LRRC37B: variants seen among roughly 807,000 people sequenced by gnomAD.
LRRC37B encodes leucine-rich repeat-containing protein 37B.
LRRC37B carries 28 observed loss-of-function variants against 98.3 expected under a neutral mutation model. The ratio of observed to expected loss-of-function variants is 0.28; its 90% confidence interval spans 0.21 to 0.39. The LOEUF (loss-of-function observed/expected upper bound fraction) is 0.39. LRRC37B is among the 10% of genes least tolerant of loss of function. LRRC37B has a pLI of 1.00. For missense variants in LRRC37B, 938 were observed against 1,182.7 expected, an observed-to-expected ratio of 0.79 and a Z score of 3.03; for synonymous variants, 364 against 442.7, an observed-to-expected ratio of 0.82 and a Z score of 2.23.
In LRRC37B at chr17:32,035,670, C is replaced by T. The variant is rs931013908; in HGVS notation, c.2204+31C>T. 2.5e-6 allele frequency: 4 copies of T among 1,574,060 alleles called. No homozygotes were observed. In the African/African-American group the frequency reaches 5.5e-5, roughly 22 times the overall value. ...TTATTTTTTCTTAGATTTATTTTTA[C>T]TTAGTTGGTTTTTTAGGTTTGTTTT... On this transcript the variant is annotated intron_variant, in intron 7 of 11. Transcript: ENST00000327564.
chr17:32,021,212 C>T (rs1327803151), exon 1 of LRRC37B: 1 of 1,612,892 alleles, frequency 6.2e-7, no homozygotes, highest in East Asian at 2.2e-5. Flanking sequence ...CTTTACTAGT[C>T]AAGGAGGCTC....
exon 1 of LRRC37B, chr17:32,021,371 G>C (rs753979479): frequency 1.2e-6 from 2 of 1,613,974 alleles, no homozygotes; most frequent in Non-Finnish European, 1.7e-6. Context: ...TTGATTACCT[G>C]GGGCCCTCTG....
intron 7 of LRRC37B, among the ~76,000 whole-genome samples, chr17:32,037,192 G>A (rs1273395416): frequency 1.3e-5 from 2 of 151,896 alleles, no homozygotes; most frequent in Non-Finnish European, 2.9e-5. Context: ...TGTTGGCCAG[G>A]CTGGTCTTGA....
At chr17:32,016,897 G>A (rs904312274), upstream of LRRC37B, 8 of 152,150 alleles carry the variant, frequency 5.3e-5, no homozygotes, top group African/African-American at 2.4e-5. Flanking sequence ...TAGCAAGGTT[G>A]TTTCTTGTTT....
chr17:32,031,767 G>T (rs1911116428), intron 5 of LRRC37B, among the ~76,000 whole-genome samples: 1 of 151,426 alleles, frequency 6.6e-6, no homozygotes, highest in African/African-American at 2.4e-5. Context: ...AACTTTAGGA[G>T]CTGAGGGGGG....
chr17:32,031,631 A>C (rs1911109784), intron 5 of LRRC37B, among the ~76,000 whole-genome samples, 173 bp downstream of exon 8: 2 of 151,912 alleles, frequency 1.3e-5, no homozygotes, highest in South Asian at 4.1e-4. Context: ...AGACTTACAC[A>C]GTTTATATAT....
chr17:32,046,446 G>C (rs1458798858), intron 8 of LRRC37B, among the ~76,000 whole-genome samples: 9 of 152,162 alleles, frequency 5.9e-5, no homozygotes, highest in Non-Finnish European at 1.3e-4. Context: ...GAGTTTTTCT[G>C]TAGATTAGGT....
intron 2 of LRRC37B, among the ~76,000 whole-genome samples, chr17:32,027,429 GCCTGTGTGTGTGT>G: frequency 6.8e-6 from 1 of 147,108 alleles, no homozygotes; most frequent in African/African-American, 2.6e-5. Flanking sequence ...GTGCGTGCTT[GCCTGTGTGTGTGT>G]GCTTGCCTGT....
intron 6 of LRRC37B, 49 bp from the exon 10 acceptor site, chr17:32,035,516 G>T: frequency 6.4e-7 from 1 of 1,557,522 alleles, no homozygotes; most frequent in African/African-American, 1.4e-5. Flanking sequence ...TTGAAGTACA[G>T]AATTTTGTAA....
chr17:32,034,718 A>G (rs1911199406), intron 5 of LRRC37B, among the ~76,000 whole-genome samples, 192 bp from the exon 9 acceptor site: 1 of 149,046 alleles, frequency 6.7e-6, no homozygotes. Flanking sequence ...TCTCTCCTCT[A>G]CTTTATCTTC....
upstream of LRRC37B, among the ~76,000 whole-genome samples, chr17:32,018,848 G>A (rs751712017): frequency 2.0e-5 from 3 of 152,098 alleles, no homozygotes; most frequent in Non-Finnish European, 2.9e-5. Flanking sequence ...ATGAGGTTTC[G>A]GTCAACAATA....
At chr17:32,024,673 C>A in intron 1 of LRRC37B, 38 bp from the exon 5 acceptor site, 1 of 1,606,116 alleles carries the variant, frequency 6.2e-7, no homozygotes, top group East Asian at 2.2e-5. Flanking sequence ...TCATTCTTTG[C>A]GTGCCTATTC....
chr17:32,050,103 T>A (rs756390642), exon 11 of LRRC37B: 5 of 1,437,356 alleles, frequency 3.5e-6, no homozygotes, highest in Non-Finnish European at 4.9e-6. Context: ...TTTTGTCTTA[T>A]AGAGGTAAGG....
chr17:32,037,953 CACACACACACAA>C (rs1468535508), intron 7 of LRRC37B, among the ~76,000 whole-genome samples: 1 of 151,978 alleles, frequency 6.6e-6, no homozygotes, highest in African/African-American at 2.4e-5. Flanking sequence ...TAAATACACA[CACACACACACAA>C]ACACACACAC....
rs751790770 is a variant in LRRC37B at position 32,049,292 on chromosome 17, A to G, written c.2655A>G (p.Glu885=). 42 of 1,613,860 alleles carry G rather than the reference A, an allele frequency of 2.6e-5. No homozygotes were observed. In the South Asian group the frequency reaches 4.6e-4, roughly 18 times the overall value. The change falls in exon 10 of 12, where the codon GAA becomes GAG. Residue 885 remains glutamate (E), a synonymous_variant. Coordinates refer to ENST00000327564, the Ensembl canonical transcript of LRRC37B. ...TGAAGCTTCTCAGCGAGCAGCAGGA[A>G]GCAAAGGCATTGAATGTAGAATGGG...
At chr17:32,023,368 C>T (rs569284005) in intron 1 of LRRC37B, among the ~76,000 whole-genome samples, 1 of 152,260 alleles carries the variant, frequency 6.6e-6, no homozygotes, top group South Asian at 2.1e-4. Flanking sequence ...GGCGATCCAC[C>T]CACTTTAGCC....
At chr17:32,036,976 ATTTTTTTTTTTTTTT>A (rs71360793) in intron 7 of LRRC37B, among the ~76,000 whole-genome samples, 2 of 51,666 alleles carry the variant, frequency 3.9e-5, no homozygotes, top group South Asian at 8.5e-4. Context: ...CATCTTCAGC[ATTTTTTTTTTTTTTT>A]TTTTTTTTTT....
rs1207528449 is a variant in LRRC37B at position 32,039,227 on chromosome 17, T to G, written c.2204+3588T>G. Among the ~76,000 whole-genome samples, 9 of 151,768 alleles carry G rather than the reference T, an allele frequency of 5.9e-5. No individual in the cohort carries two copies. The South Asian group carries it at 1.9e-3, about 32-fold the overall frequency. On this transcript the variant is annotated intron_variant, in intron 7 of 11. Coordinates refer to ENST00000327564, the Ensembl canonical transcript of LRRC37B. ...CCTGGCCTCAAGTGATCCTCCGGCC[T>G]CGTTCTCCCAGAGTGCTGCAATTAT...
rs190275881 is a variant in LRRC37B at position 32,022,996 on chromosome 17, A to G, written c.1760+171A>G. 2.5e-3 allele frequency among the ~76,000 whole-genome samples: 377 copies of G among 151,922 alleles called. 1 individual carries two copies. Among genetic ancestry groups the G allele is most frequent in the Non-Finnish European group, 3.3e-3 (227 of 67,974 alleles). On this transcript the variant is annotated intron_variant, in intron 1 of 11. Coordinates refer to ENST00000327564, the Ensembl canonical transcript of LRRC37B. ...TCTCCTCATTCTCCTTTAATGTTAG[A>G]CCCATTCTCCAGTCTTTTACTTTTT...
Sources: gnomAD v4.1 joint callset for allele counts (sites outside exome capture counted in the v4.1 genomes callset) on GRCh38, gnomAD v4.1.1 for gene constraint, MANE v1.5 for transcripts, NCBI Gene and HGNC (gene_info 2026-07-23, HGNC 2026-07-21) for gene names.